Variants in KANSL1L observed in about 807,000 individuals in gnomAD.
KANSL1L encodes the protein KAT8 regulatory NSL complex subunit 1-like protein.
Under a neutral mutation model 108.6 loss-of-function variants are expected in KANSL1L, and 25 were observed. The observed-to-expected ratio is 0.23, with a 90% confidence interval of 0.17 to 0.32. KANSL1L has a LOEUF of 0.32. Among genes scored for constraint, KANSL1L ranks in the 10% least tolerant of loss-of-function variants. KANSL1L has a pLI of 1.00. For missense variants in KANSL1L, 1,137 were observed against 1,125.7 expected (o/e 1.01, Z -0.14); for synonymous variants, 405 against 395.1 (o/e 1.03, Z -0.30).
intron 6 of KANSL1L, among the ~76,000 whole-genome samples, chr2:210,059,654 A>T (rs1316459286): frequency 2.6e-5 from 4 of 152,238 alleles, no homozygotes; most frequent in Non-Finnish European, 4.4e-5. Flanking sequence ...GAATTGTTAC[A>T]GCAAGGTAAG....
chr2:210,043,134 T>C (rs1317247255), intron 7 of KANSL1L, among the ~76,000 whole-genome samples: 5 of 152,090 alleles, frequency 3.3e-5, no homozygotes, highest in African/African-American at 4.8e-5. Flanking sequence ...AGAGTAATCC[T>C]AGCATTTTTG....
intron 4 of KANSL1L, among the ~76,000 whole-genome samples, chr2:210,099,847 A>G (rs578209269): frequency 6.6e-6 from 1 of 152,250 alleles, no homozygotes; most frequent in Non-Finnish European, 1.5e-5. Flanking sequence ...TGGGGAATAG[A>G]AAAGTCACAG....
At chr2:210,127,730 T>G (rs1407449478) in intron 3 of KANSL1L, among the ~76,000 whole-genome samples, 1 of 124,258 alleles carries the variant, frequency 8.0e-6, no homozygotes, top group Non-Finnish European at 1.6e-5. Context: ...GCCCGGGAGG[T>G]CAAGGCTGCA....
intron 7 of KANSL1L, among the ~76,000 whole-genome samples, chr2:210,043,164 T>C (rs1324148647): frequency 6.6e-6 from 1 of 151,944 alleles, no homozygotes; most frequent in East Asian, 1.9e-4. Context: ...GGTGGGAGGA[T>C]CACGTGAGGC....
chr2:210,044,925 G>T lies in KANSL1L; in HGVS notation c.1756-821C>A, dbSNP rs2094207904. On this transcript the variant is annotated intron_variant, in intron 6 of 14. Coordinates refer to ENST00000281772, the MANE Select transcript of KANSL1L (RefSeq NM_152519.4). This position sits in a 1 kb window ranked among gnomAD's most constrained non-coding sequence, Gnocchi z 4.2. ...ACTGGGATTACAGGCACGTGCCACT[G>T]CGCCCAGCTACTTTTTGTATTTTTA... Among the ~76,000 whole-genome samples, 1 of 151,886 alleles carries T rather than the reference G, an allele frequency of 6.6e-6. No homozygotes were observed. Among genetic ancestry groups the T allele is most frequent in the Non-Finnish European group, 1.5e-5 (1 of 67,954 alleles).
rs1296130189 is a variant in KANSL1L, at chr2:210,021,580, T to G, written c.*1369A>C. ...TACAGTAAAACTACAAGCAAAAGTTTGTCAGTATTGAATTGAATTTTTTAC... is the reference window on the plus strand; with the variant it reads ...TACAGTAAAACTACAAGCAAAAGTTGGTCAGTATTGAATTGAATTTTTTAC... On this transcript the variant is annotated 3_prime_UTR_variant, in exon 15 of 15. Coordinates refer to ENST00000281772, the MANE Select transcript of KANSL1L (RefSeq NM_152519.4). 6.6e-6 allele frequency: 1 copy of G among 152,568 alleles called. No individual in the cohort carries two copies. The highest frequency in any genetic ancestry group is 2.4e-5 in the African/African-American group (1 of 41,460). The allele number at this position is 152,568 out of a possible 1,614,324, so 9.5% of individuals were successfully genotyped here.
At chr2:210,127,415 C>T (rs2095076239) in intron 3 of KANSL1L, among the ~76,000 whole-genome samples, 1 of 152,004 alleles carries the variant, frequency 6.6e-6, no homozygotes, top group African/African-American at 2.4e-5. Context: ...ACCAAAGGCA[C>T]AGGTAATAAA....
chr2:210,161,265 G>A (rs562811164), intron 1 of KANSL1L, among the ~76,000 whole-genome samples: 14 of 152,260 alleles, frequency 9.2e-5, no homozygotes, highest in Admixed American at 9.2e-4. Context: ...TAGGATTACA[G>A]GGGTGAGCCA....
intron 5 of KANSL1L, among the ~76,000 whole-genome samples, chr2:210,083,464 C>T (rs1009335771): frequency 6.6e-6 from 1 of 152,096 alleles, no homozygotes; most frequent in African/African-American, 2.4e-5. Context: ...CAACCTTTTC[C>T]ATACTTTCCC....
rs1305785374 is a variant in KANSL1L, at chr2:210,096,935, T to A, written c.1550+1151A>T. 1.8e-5 allele frequency: 5 copies of A among 276,926 alleles called. No individual in the cohort carries two copies. In the South Asian group the frequency reaches 7.1e-4, roughly 39 times the overall value. 17.2% of individuals were successfully genotyped at this position (276,926 alleles called of 1,614,324 possible). A position where few individuals can be genotyped will look rare whatever the true frequency, so the allele number is the denominator to read the frequency against. On this transcript the variant is annotated intron_variant, in intron 5 of 14. Coordinates refer to ENST00000281772, the MANE Select transcript of KANSL1L (RefSeq NM_152519.4). ...AAAATCAAATGTCAGCTTTTTATTT[T>A]TTATTATTTATTTATTTATTTTTTT...
chr2:210,110,687 C>G (rs371254417), intron 3 of KANSL1L, among the ~76,000 whole-genome samples: 7 of 152,176 alleles, frequency 4.6e-5, no homozygotes, highest in Admixed American at 1.3e-4. Flanking sequence ...TTGAACCTCT[C>G]AATCTATGAG....
chr2:210,154,263 T>C lies in KANSL1L; in HGVS notation c.320A>G (p.Asn107Ser), dbSNP rs1407345263. 1.6e-5 allele frequency: 26 copies of C among 1,613,874 alleles called. No homozygotes were observed. The highest frequency in any genetic ancestry group is 2.2e-5 in the Non-Finnish European group (26 of 1,179,940). The change falls in exon 2 of 15, where the codon AAT becomes AGT. Residue 107 changes from asparagine (N) to serine (S), a missense_variant. Asn to Ser is a conservative substitution (Grantham distance 46). Transcript: ENST00000281772. ...ATTATACAGTATGTTTTTCAGCTTA[T>C]TGCAACTGGGCTCCCCTAATTTCTT... Reference protein sequence around the residue: ...KQKKLGEPSCNKLKNILYNGS... With the variant: ...KQKKLGEPSCSKLKNILYNGS...
chr2:210,105,820 T>TA (rs2094841917), intron 3 of KANSL1L, among the ~76,000 whole-genome samples: 2 of 152,152 alleles, frequency 1.3e-5, no homozygotes, highest in Admixed American at 1.3e-4. Flanking sequence ...TCCCAATTAC[T>TA]GTTTTCTTAG....
At chr2:210,121,126 C>G (rs1479477034) in intron 3 of KANSL1L, among the ~76,000 whole-genome samples, 1 of 152,064 alleles carries the variant, frequency 6.6e-6, no homozygotes, top group Admixed American at 6.5e-5. Flanking sequence ...ACCATTTGAC[C>G]CAGCAATCCC....
At position 210,044,016 on chromosome 2, in the gene KANSL1L, T is replaced by C; in HGVS notation, c.1844A>G (p.Asn615Ser). The C allele has an allele frequency of 1.9e-6, 3 of 1,609,596 alleles. No homozygotes were observed. The highest frequency in any genetic ancestry group is 1.7e-5 in the Admixed American group (1 of 59,516). Residue 615 changes from asparagine (N) to serine (S), a missense_variant, in exon 7 of 15, where the codon AAT becomes AGT. Asn to Ser is a conservative substitution (Grantham distance 46). This residue lies in a region of KANSL1L where 575 missense variants were observed against 567.1 expected (regional missense o/e 1.01). Coordinates refer to ENST00000281772, the MANE Select transcript of KANSL1L (RefSeq NM_152519.4). The surrounding 1 kb of genome is among the most constrained non-coding windows in gnomAD (Gnocchi z 4.2). ...TTCTCTTAATAGGTAAGACTCCGAA[T>C]TGTGTTCATAGCTACTCCAAGTTGA... ...SASTWSSYEH[N>S]SESYLLREHV...
At chr2:210,136,245 G>T (rs920955321) in intron 2 of KANSL1L, among the ~76,000 whole-genome samples, 1 of 151,798 alleles carries the variant, frequency 6.6e-6, no homozygotes, top group Admixed American at 6.6e-5. Flanking sequence ...ATATGGGATG[G>T]GCAAATTTAG....
At chr2:210,120,665 G>C (rs1043261429) in intron 3 of KANSL1L, among the ~76,000 whole-genome samples, 3 of 152,128 alleles carry the variant, frequency 2.0e-5, no homozygotes, top group Non-Finnish European at 4.4e-5. Flanking sequence ...CTAAACTAGA[G>C]AGTTTCTGCA....
intron 3 of KANSL1L, among the ~76,000 whole-genome samples, chr2:210,126,899 A>C (rs1195506311): frequency 6.6e-6 from 1 of 152,178 alleles, no homozygotes; most frequent in African/African-American, 2.4e-5. Flanking sequence ...AGAAATCAAA[A>C]TAATGTGATA....
At chr2:210,062,357 C>T (rs987140284) in intron 6 of KANSL1L, among the ~76,000 whole-genome samples, 4 of 152,276 alleles carry the variant, frequency 2.6e-5, no homozygotes, top group African/African-American at 7.2e-5. Context: ...CTCCCAGTCT[C>T]GGGTATGTCT....
Sources: allele counts gnomAD v4.1 joint callset (sites outside exome capture counted in the v4.1 genomes callset), GRCh38; gene constraint gnomAD v4.1.1; regional missense constraint gnomAD v4.1.1; non-coding constraint Gnocchi (gnomAD v3.1); transcripts MANE v1.5; gene names NCBI Gene and HGNC (gene_info 2026-07-23, HGNC 2026-07-21).